KIAA0586: variants seen among roughly 807,000 people sequenced by gnomAD.
The protein encoded by KIAA0586 is protein TALPID3.
KIAA0586 carries 144 observed loss-of-function variants against 169.8 expected under a neutral mutation model. The observed-to-expected ratio is 0.85, with a 90% CI of 0.74 to 0.97. The LOEUF (loss-of-function observed/expected upper bound fraction) is 0.97. KIAA0586 is among the 50% of genes least tolerant of loss of function. The pLI is 0.00. For synonymous variants in KIAA0586, 625 were observed against 612.4 expected, an observed-to-expected ratio of 1.02 and a Z score of -0.30; for missense variants, 1,854 against 1,823.0, an observed-to-expected ratio of 1.02 and a Z score of -0.31.
At chr14:58,522,819 CAA>C (rs2139899287) in intron 29 of KIAA0586, among the ~76,000 whole-genome samples, 1 of 152,258 alleles carries the variant, frequency 6.6e-6, no homozygotes, top group Admixed American at 6.5e-5. Context: ...AGCGTGGCAA[CAA>C]GTGTGTTAGG....
In KIAA0586 at chr14:58,458,980, A is replaced by T. The variant is rs372126698; in HGVS notation, c.1656+435A>T. Among the ~76,000 whole-genome samples, 4 of 152,290 alleles carry T rather than the reference A, an allele frequency of 2.6e-5. 1 individual carries two copies. On this transcript the variant is annotated intron_variant, in intron 12 of 30. Transcript: ENST00000652326. ...ATGGAAAAACAGCCTCTTTCTCACA[A>T]CCACAATGGGCATGGTACATCTTCA...
chr14:58,456,162 G>A (rs2039829038), intron 9 of KIAA0586, among the ~76,000 whole-genome samples: 1 of 152,134 alleles, frequency 6.6e-6, no homozygotes, highest in Admixed American at 6.5e-5. Flanking sequence ...TAGTGGTTGT[G>A]AGGCTGTTGG....
At chr14:58,511,859 A>G (rs896031755) in intron 28 of KIAA0586, among the ~76,000 whole-genome samples, 2 of 152,126 alleles carry the variant, frequency 1.3e-5, no homozygotes, top group East Asian at 1.9e-4. Flanking sequence ...TGTTAAAGCT[A>G]TTTTCAGGGG....
Position 58,543,933 on chromosome 14 carries a change from T to C in KIAA0586, c.4495+3797T>C, listed in dbSNP as rs1423336881. 1.1e-5 allele frequency: 5 copies of C among 456,080 alleles called. No homozygotes were observed. Among genetic ancestry groups the C allele is most frequent in the African/African-American group, 8.0e-5 (4 of 50,146 alleles). 28.3% of individuals were successfully genotyped at this position (456,080 alleles called of 1,614,324 possible). On this transcript the variant is annotated intron_variant, in intron 30 of 30. Transcript: ENST00000652326. ...TTCCTGTATAGGTAAACTCGGGCTG[T>C]GGAGGTTTGTCATACAGATTATTTC...
chr14:58,480,495 T>C (rs921737022), intron 20 of KIAA0586, among the ~76,000 whole-genome samples: 10 of 152,166 alleles, frequency 6.6e-5, no homozygotes, highest in African/African-American at 2.2e-4. Flanking sequence ...CCTGTGTCAG[T>C]TGATGAACCC....
At chr14:58,453,741 A>G (rs987631128) in intron 9 of KIAA0586, among the ~76,000 whole-genome samples, 3 of 152,174 alleles carry the variant, frequency 2.0e-5, no homozygotes, top group Admixed American at 6.5e-5. Flanking sequence ...TGTTTCAAAA[A>G]TAATCCAAGA....
downstream of KIAA0586, among the ~76,000 whole-genome samples, chr14:58,553,759 C>T (rs2047230167): frequency 6.6e-6 from 1 of 152,104 alleles, no homozygotes. Flanking sequence ...TAGCTGTTGT[C>T]AAGAGGACCT....
chr14:58,470,765 GA>G (rs2041152789), intron 17 of KIAA0586, 42 bp downstream of exon 17: 1 of 948,780 alleles, frequency 1.1e-6, no homozygotes. Flanking sequence ...AGTAATGTCT[GA>G]CTGTAGATTT....
In KIAA0586 at chr14:58,444,268, T is replaced by TTGTAACAGTTTTAGTTCTGAAATCATG. The variant is rs2038665766; in HGVS notation, c.807+94_807+120dup. The TTGTAACAGTTTTAGTTCTGAAATCATG allele has an allele frequency of 7.6e-6, 6 of 789,398 alleles. No homozygotes were observed. In the African/African-American group the frequency reaches 1.0e-4, roughly 14 times the overall value. 48.9% of individuals were successfully genotyped at this position (789,398 alleles called of 1,614,324 possible). A position where few individuals can be genotyped will look rare whatever the true frequency, so the allele number is the denominator to read the frequency against. On this transcript the variant is annotated intron_variant, in intron 6 of 30. Transcript: ENST00000652326. ...TTGATAATTACAGTAGCTCATTAGA[T>TTGTAACAGTTTTAGTTCTGAAATCATG]TGTAACAGTTTTAGTTCTGAAATCA...
At chr14:58,508,991 A>T (rs921157743) in intron 28 of KIAA0586, among the ~76,000 whole-genome samples, 12 of 152,220 alleles carry the variant, frequency 7.9e-5, no homozygotes, top group African/African-American at 2.9e-4. Context: ...GCACTCTGGG[A>T]GGTTGAGACA....
chr14:58,445,419 T>G (rs1388051374), intron 6 of KIAA0586, among the ~76,000 whole-genome samples: 1 of 151,806 alleles, frequency 6.6e-6, no homozygotes, highest in Non-Finnish European at 1.5e-5. Context: ...ATTTTGGAAT[T>G]TCTTTTTCTT....
chr14:58,476,188 T>C (rs969230099), intron 19 of KIAA0586, among the ~76,000 whole-genome samples: 4 of 152,202 alleles, frequency 2.6e-5, no homozygotes, highest in Admixed American at 6.5e-5. Context: ...GAACCTAGGA[T>C]TATAGGTGAG....
chr14:58,448,286 T>A (rs1243379260), intron 6 of KIAA0586, 54 bp from the exon 7 acceptor site: 1 of 1,139,436 alleles, frequency 8.8e-7, no homozygotes, highest in Non-Finnish European at 1.3e-6. Context: ...TATTTTATCA[T>A]CTAACTCTTT....
chr14:58,476,952 C>T (rs1006741597), intron 19 of KIAA0586, among the ~76,000 whole-genome samples, 171 bp from the exon 20 acceptor site: 3 of 152,076 alleles, frequency 2.0e-5, no homozygotes, highest in African/African-American at 7.2e-5. Flanking sequence ...CCATGATGCC[C>T]AGCCCATTTT....
At chr14:58,497,870 A>AT (rs557927775) in intron 26 of KIAA0586, among the ~76,000 whole-genome samples, 40 of 95,242 alleles carry the variant, frequency 4.2e-4, no homozygotes, top group African/African-American at 1.4e-3. Flanking sequence ...AGTGGTTTTG[A>AT]TTTTTTTTTT....
At chr14:58,537,858 A>T (rs1269902758) in intron 29 of KIAA0586, among the ~76,000 whole-genome samples, 7 of 152,170 alleles carry the variant, frequency 4.6e-5, no homozygotes, top group Non-Finnish European at 1.0e-4. Context: ...CGTGTTAGCC[A>T]GGATGGTCTC....
chr14:58,492,418 G>C, intron 26 of KIAA0586, 143 bp downstream of exon 26: 1 of 624,658 alleles, frequency 1.6e-6, no homozygotes, highest in South Asian at 2.7e-5. Context: ...TGGAATCATG[G>C]AACTGTAGAG....
chr14:58,545,135 G>A (rs893084249), intron 30 of KIAA0586, among the ~76,000 whole-genome samples: 3 of 152,184 alleles, frequency 2.0e-5, no homozygotes, highest in Non-Finnish European at 2.9e-5. Context: ...GTGCATATAT[G>A]CTTTTGGAGA....
chr14:58,511,472 C>T (rs1471657231), intron 28 of KIAA0586, among the ~76,000 whole-genome samples: 1 of 152,060 alleles, frequency 6.6e-6, no homozygotes, highest in African/African-American at 2.4e-5. Flanking sequence ...AATGCCTTAC[C>T]CAGATTTGAA....
Sources: gnomAD v4.1 joint callset for allele counts (sites outside exome capture counted in the v4.1 genomes callset) on GRCh38, gnomAD v4.1.1 for gene constraint, MANE v1.5 for transcripts, NCBI Gene and HGNC (gene_info 2026-07-23, HGNC 2026-07-21) for gene names.